Variants in CHL1 observed in about 807,000 individuals in gnomAD.
CHL1 encodes cell adhesion molecule L1 like.
In CHL1, 96 loss-of-function variants were observed where a neutral mutation model predicts 141.9. That is an observed-to-expected ratio of 0.68 (90% CI 0.57 to 0.80). CHL1 has a LOEUF of 0.80. CHL1 is among the 30% of genes least tolerant of loss of function. CHL1 has a pLI of 0.00. For missense variants in CHL1, 1,820 were observed against 1,457.2 expected, an observed-to-expected ratio of 1.25 and a Z score of -4.05; for synonymous variants, 613 against 502.2, an observed-to-expected ratio of 1.22 and a Z score of -2.95.
chr3:246,962 G>A (rs537092845), intron 2 of CHL1: 7 of 152,068 alleles, frequency 4.6e-5, no homozygotes, highest in African/African-American at 1.7e-4. Flanking sequence ...GTAATGTGCC[G>A]AGACTGCTTG....
chr3:350,948 T>G (rs1198515793), intron 10 of CHL1, among the ~76,000 whole-genome samples: 3 of 152,180 alleles, frequency 2.0e-5, no homozygotes, highest in Admixed American at 2.0e-4. Flanking sequence ...TCTATATAAT[T>G]TGGCTACATC....
intron 2 of CHL1, among the ~76,000 whole-genome samples, chr3:292,061 G>C (rs2125343975): frequency 1.3e-5 from 2 of 152,336 alleles, no homozygotes; most frequent in Middle Eastern, 6.8e-3. Flanking sequence ...CAGAGTGTTA[G>C]AAACCGCCTA....
chr3:286,352 T>G (rs1409888130), intron 2 of CHL1, among the ~76,000 whole-genome samples: 1 of 152,182 alleles, frequency 6.6e-6, no homozygotes, highest in Admixed American at 6.5e-5. Flanking sequence ...GGCTCATGCC[T>G]GTAATCCCAG....
chr3:409,344 T>C lies in CHL1; in HGVS notation c.*3633T>C, dbSNP rs930695245. 6.6e-6 allele frequency: 1 copy of C among 152,086 alleles called. No individual in the cohort carries two copies. The highest frequency in any genetic ancestry group is 2.4e-5 in the African/African-American group (1 of 41,434). The allele number at this position is 152,086 out of a possible 1,614,324, so 9.4% of individuals were successfully genotyped here. ...TTTGTATTATGCTTATGACTATGTA[T>C]GGTTTGAAAATATTTTCATTATACA... On this transcript the variant is annotated 3_prime_UTR_variant, in exon 28 of 28. Coordinates refer to ENST00000256509, the MANE Select transcript of CHL1 (RefSeq NM_006614.4).
At chr3:297,995 G>A (rs1698356577) in intron 2 of CHL1, among the ~76,000 whole-genome samples, 1 of 152,086 alleles carries the variant, frequency 6.6e-6, no homozygotes, top group Admixed American at 6.6e-5. Context: ...ATATTAGGTG[G>A]TCATCTTGAT....
At chr3:304,043 G>A (rs1389819950) in intron 2 of CHL1, among the ~76,000 whole-genome samples, 1 of 152,134 alleles carries the variant, frequency 6.6e-6, no homozygotes, top group Non-Finnish European at 1.5e-5. Context: ...ATTTGCATAT[G>A]TTGAACCAGC....
chr3:217,933 C>T (rs1276752075), intron 1 of CHL1, among the ~76,000 whole-genome samples: 1 of 152,114 alleles, frequency 6.6e-6, no homozygotes, highest in Non-Finnish European at 1.5e-5. Flanking sequence ...ATAAGAACAG[C>T]TTAGGCTTGA....
chr3:401,083 A>T (rs956412508), intron 26 of CHL1, among the ~76,000 whole-genome samples: 1 of 151,604 alleles, frequency 6.6e-6, no homozygotes, highest in Non-Finnish European at 1.5e-5. Context: ...TGTGTTTTTA[A>T]TAGAGACAGG....
Position 408,094 on chromosome 3 carries a change from T to C in CHL1, c.*2383T>C, listed in dbSNP as rs537821479. 2 of 152,220 alleles carry C rather than the reference T, an allele frequency of 1.3e-5. No individual in the cohort carries two copies. Among genetic ancestry groups the C allele is most frequent in the African/African-American group, 4.8e-5 (2 of 41,548 alleles). The allele number at this position is 152,220 out of a possible 1,614,324, so 9.4% of individuals were successfully genotyped here. A position where few individuals can be genotyped will look rare whatever the true frequency, so the allele number is the denominator to read the frequency against. On this transcript the variant is annotated 3_prime_UTR_variant, in exon 28 of 28. Transcript: ENST00000256509. ...GAATCAGAATAACCTTCAAATAAAA[T>C]AAATCTAAGTCGGTTAAAATGGATT...
At chr3:288,352 A>AC (rs1697361488) in intron 2 of CHL1, among the ~76,000 whole-genome samples, 2 of 152,094 alleles carry the variant, frequency 1.3e-5, no homozygotes, top group South Asian at 4.1e-4. Context: ...ACATATATAC[A>AC]GGCATAATTT....
intron 10 of CHL1, among the ~76,000 whole-genome samples, chr3:351,817 C>T (rs886334015): frequency 1.3e-5 from 2 of 152,018 alleles, no homozygotes; most frequent in Admixed American, 1.3e-4. Context: ...ACTTCAAATC[C>T]TATAATATGT....
chr3:402,694 T>C (rs1709236114), intron 27 of CHL1, among the ~76,000 whole-genome samples: 1 of 152,180 alleles, frequency 6.6e-6, no homozygotes, highest in Non-Finnish European at 1.5e-5. Flanking sequence ...CATTTTGTGG[T>C]ATACTTATTT....
intron 2 of CHL1, among the ~76,000 whole-genome samples, chr3:279,032 G>A (rs1010824603): frequency 2.0e-5 from 3 of 151,980 alleles, no homozygotes; most frequent in South Asian, 4.1e-4. Context: ...GGGGACGCAC[G>A]AAAAAGGGAC....
At chr3:304,371 TG>T (rs1428306415) in intron 2 of CHL1, among the ~76,000 whole-genome samples, 3 of 152,218 alleles carry the variant, frequency 2.0e-5, no homozygotes, top group Non-Finnish European at 4.4e-5. Context: ...CATCTGGTCC[TG>T]GGCTTTATTG....
At chr3:389,508 A>G in intron 20 of CHL1, 34 bp downstream of exon 20, 5 of 1,501,150 alleles carry the variant, frequency 3.3e-6, no homozygotes, top group African/African-American at 2.7e-5. Context: ...TAAGCACGTC[A>G]GTAACTGTTG....
intron 11 of CHL1, among the ~76,000 whole-genome samples, chr3:355,834 A>G (rs191967315): frequency 6.6e-6 from 1 of 152,290 alleles, no homozygotes; most frequent in East Asian, 1.9e-4. Context: ...GATGGTTTAT[A>G]AACTCTGGAG....
rs776221387 is a variant in CHL1 at position 354,608 on chromosome 3, C to T, written c.1034-32C>T. 1.5e-5 allele frequency: 24 copies of T among 1,577,566 alleles called. No individual in the cohort carries two copies. In the South Asian group the frequency reaches 2.1e-4, roughly 14 times the overall value. On this transcript the variant is annotated intron_variant, in intron 10 of 27. Coordinates refer to ENST00000256509, the MANE Select transcript of CHL1 (RefSeq NM_006614.4). ...TTTTTGGACTTTTTGACATAGATAA[C>T]ATCTCTCATGAGCTCTTCACTTTAC...
At chr3:365,190 A>T (rs1331936983) in intron 14 of CHL1, among the ~76,000 whole-genome samples, 1 of 152,246 alleles carries the variant, frequency 6.6e-6, no homozygotes, top group East Asian at 1.9e-4. Flanking sequence ...CAAATGCCAC[A>T]TTAAGAGTAT....
chr3:228,869 T>A (rs1353601504), intron 1 of CHL1, among the ~76,000 whole-genome samples: 1 of 152,192 alleles, frequency 6.6e-6, no homozygotes, highest in Non-Finnish European at 1.5e-5. Flanking sequence ...ACCATATGTG[T>A]ATCAGATGTA....
Sources: gnomAD v4.1 joint callset for allele counts (sites outside exome capture counted in the v4.1 genomes callset) on GRCh38, gnomAD v4.1.1 for gene constraint, MANE v1.5 for transcripts, NCBI Gene and HGNC (gene_info 2026-07-23, HGNC 2026-07-21) for gene names.